Variants in MED12L observed in about 807,000 individuals in gnomAD.
MED12L encodes the protein mediator complex subunit 12L, also known as mediator of RNA polymerase II transcription subunit 12-like protein.
Under a neutral mutation model 281.3 loss-of-function variants are expected in MED12L, and 60 were observed. The ratio of observed to expected loss-of-function variants is 0.21; its 90% CI spans 0.17 to 0.26. The LOEUF (loss-of-function observed/expected upper bound fraction) is 0.26. Ranked by LOEUF, MED12L falls within the 10% of genes least tolerant of loss-of-function variation. MED12L has a pLI of 1.00. For synonymous variants in MED12L, 974 were observed against 987.2 expected, an observed-to-expected ratio of 0.99 and a Z score of 0.25; for missense variants, 2,146 against 2,680.9, an observed-to-expected ratio of 0.80 and a Z score of 4.41.
chr3:151,176,059 T>C (rs965351098), intron 11 of MED12L, among the ~76,000 whole-genome samples: 10 of 152,170 alleles, frequency 6.6e-5, no homozygotes, highest in Admixed American at 6.5e-4. Flanking sequence ...ATTCTTGATA[T>C]TAAGTTTCGT....
chr3:151,256,197 C>T (rs1025838825), intron 16 of MED12L, among the ~76,000 whole-genome samples: 1 of 152,262 alleles, frequency 6.6e-6, no homozygotes, highest in Non-Finnish European at 1.5e-5. Context: ...CATAGCAATA[C>T]ATAACTCATG....
chr3:151,102,674 T>C (rs1183232708), intron 2 of MED12L, among the ~76,000 whole-genome samples: 1 of 152,210 alleles, frequency 6.6e-6, no homozygotes, highest in Non-Finnish European at 1.5e-5. Flanking sequence ...GGTCTCACTA[T>C]GTTGCCCAGG....
intron 32 of MED12L, among the ~76,000 whole-genome samples, chr3:151,381,292 C>A (rs1712294069): frequency 6.6e-6 from 1 of 152,094 alleles, no homozygotes; most frequent in Non-Finnish European, 1.5e-5. Flanking sequence ...TCATTTCTCA[C>A]CTTTTGGGTA....
intron 43 of MED12L, among the ~76,000 whole-genome samples, chr3:151,419,011 C>T (rs758263945): frequency 4.6e-5 from 7 of 152,090 alleles, no homozygotes; most frequent in South Asian, 2.1e-4. Flanking sequence ...TGTGTTATTT[C>T]GTGTTGTTTG....
intron 16 of MED12L, among the ~76,000 whole-genome samples, chr3:151,323,720 A>G (rs953189726): frequency 2.0e-5 from 3 of 152,156 alleles, no homozygotes; most frequent in Admixed American, 6.5e-5. Flanking sequence ...ATCTTGAGTC[A>G]TTATAATCTG....
At position 151,159,916 on chromosome 3, in the gene MED12L, G is replaced by A. The variant is rs868783221; in HGVS notation, c.922G>A (p.Asp308Asn). Reference protein sequence around the residue: ...CARRLSLLLSDSPNLLAAHSP... With the variant: ...CARRLSLLLSNSPNLLAAHSP... ...CCGGCGTCTTTCCTTGCTGCTGAGC[G>A]ATAGCCCCAACCTCCTTGCTGCCCA... Residue 308 changes from aspartate (D) to asparagine (N), a missense_variant, in exon 8 of 45, where the codon GAT becomes AAT. This residue lies in a region of MED12L where 722 missense variants were observed against 861.2 expected (regional missense o/e 0.84). Coordinates refer to ENST00000687756, the MANE Select transcript of MED12L (RefSeq NM_001393769.1). The A allele has an allele frequency of 6.2e-7, 1 of 1,614,158 alleles. No individual in the cohort carries two copies. Among genetic ancestry groups the A allele is most frequent in the Non-Finnish European group, 8.5e-7 (1 of 1,180,024 alleles).
chr3:151,181,250 A>G (rs956570170), intron 11 of MED12L, among the ~76,000 whole-genome samples: 5 of 152,294 alleles, frequency 3.3e-5, no homozygotes, highest in South Asian at 4.1e-4. Context: ...AATATATGCA[A>G]AAGTTTAAGT....
At chr3:151,213,974 T>G (rs1466227938) in intron 16 of MED12L, 1 of 1,614,108 alleles carries the variant, frequency 6.2e-7, no homozygotes. Context: ...TCAAAGCTGA[T>G]GAGCCCAAAG....
intron 2 of MED12L, among the ~76,000 whole-genome samples, chr3:151,089,684 C>T (rs1377406028): frequency 1.2e-4 from 8 of 68,206 alleles, no homozygotes; most frequent in African/African-American, 2.2e-4. Flanking sequence ...GGGGGTGGGG[C>T]GGGGGGGAGA....
chr3:151,180,815 A>G (rs79511089), intron 11 of MED12L, among the ~76,000 whole-genome samples: 2,007 of 152,296 alleles, frequency 0.013, 37 homozygotes, highest in African/African-American at 0.04. Context: ...ATTCCAGTGG[A>G]CATTTTGTAA....
At chr3:151,399,802 A>G (rs984235340) in intron 39 of MED12L, among the ~76,000 whole-genome samples, 7 of 151,882 alleles carry the variant, frequency 4.6e-5, no homozygotes, top group Non-Finnish European at 1.0e-4. Flanking sequence ...AGGAGCTTGC[A>G]GAAGGAATCT....
chr3:151,348,340 C>CAAAAAAAAAAAAAAAAAAA (rs11382065), intron 16 of MED12L, among the ~76,000 whole-genome samples: 2 of 87,804 alleles, frequency 2.3e-5, no homozygotes, highest in Non-Finnish European at 2.2e-5. Context: ...ACCACCAGAC[C>CAAAAAAAAAAAAAAAAAAA]AAAAAAAAAA....
chr3:151,319,008 G>A (rs1414036677), intron 16 of MED12L, among the ~76,000 whole-genome samples: 2 of 152,112 alleles, frequency 1.3e-5, no homozygotes, highest in East Asian at 3.9e-4. Context: ...CTGGCTTGGA[G>A]TGTTTCAGTG....
In MED12L at chr3:151,193,248, A is replaced by G. The variant is rs536982693; in HGVS notation, c.2074-242A>G. Among the ~76,000 whole-genome samples, 21 of 152,276 alleles carry G rather than the reference A, an allele frequency of 1.4e-4. No individual in the cohort carries two copies. The East Asian group carries it at 3.1e-3, about 22-fold the overall frequency. ...TTAGCTTTCCAGGTAGTGTAGACACATTTCTTATGTGTGTGGTTGTCATTT... is the reference window on the plus strand; with the variant it reads ...TTAGCTTTCCAGGTAGTGTAGACACGTTTCTTATGTGTGTGGTTGTCATTT... On this transcript the variant is annotated intron_variant, in intron 15 of 44. Transcript: ENST00000687756.
At chr3:151,362,583 C>A (rs1754747242) in intron 21 of MED12L, among the ~76,000 whole-genome samples, 1 of 152,124 alleles carries the variant, frequency 6.6e-6, no homozygotes, top group African/African-American at 2.4e-5. Context: ...GCTACCCCCA[C>A]TGTAGATTCT....
intron 2 of MED12L, among the ~76,000 whole-genome samples, chr3:151,093,518 A>G (rs1342200146): frequency 1.3e-5 from 2 of 152,216 alleles, no homozygotes; most frequent in Admixed American, 1.3e-4. Flanking sequence ...CCTTGATTTG[A>G]TATATTAGAA....
chr3:151,268,594 G>C (rs139519088), intron 16 of MED12L, among the ~76,000 whole-genome samples: 1 of 152,096 alleles, frequency 6.6e-6, no homozygotes, highest in Non-Finnish European at 1.5e-5. Flanking sequence ...TTCAAATTTT[G>C]TCTAATTTGT....
At chr3:151,386,003 G>T (rs996012229) in intron 36 of MED12L, among the ~76,000 whole-genome samples, 1 of 152,152 alleles carries the variant, frequency 6.6e-6, no homozygotes, top group Admixed American at 6.5e-5. Flanking sequence ...GTGTGACATG[G>T]TACAGAGAGA....
At chr3:151,338,065 G>A (rs1751265872) in intron 16 of MED12L, 1 of 1,614,004 alleles carries the variant, frequency 6.2e-7, no homozygotes, top group Non-Finnish European at 8.5e-7. Context: ...GTTTGGCTCA[G>A]GGTGTAAGGA....
Sources: allele counts gnomAD v4.1 joint callset (sites outside exome capture counted in the v4.1 genomes callset), GRCh38; gene constraint gnomAD v4.1.1; regional missense constraint gnomAD v4.1.1; transcripts MANE v1.5; gene names NCBI Gene and HGNC (gene_info 2026-07-23, HGNC 2026-07-21).